PHAF1: variants seen among roughly 807,000 people sequenced by gnomAD.
PHAF1 encodes phagosome assembly factor 1.
Under a neutral mutation model 63.1 loss-of-function variants are expected in PHAF1, and 23 were observed. The ratio of observed to expected loss-of-function variants is 0.36; its 90% confidence interval spans 0.26 to 0.52. PHAF1 has a LOEUF of 0.52. Among genes scored for constraint, PHAF1 ranks in the 20% least tolerant of loss-of-function variants. The pLI, the probability that PHAF1 is intolerant of heterozygous loss-of-function variation, is 0.93. For missense variants in PHAF1, 427 were observed against 517.2 expected (o/e 0.83, Z 1.69); for synonymous variants, 167 against 185.0 (o/e 0.90, Z 0.79).
At chr16:67,111,134 A>G (rs1459779079) in intron 1 of PHAF1, among the ~76,000 whole-genome samples, 1 of 152,186 alleles carries the variant, frequency 6.6e-6, no homozygotes, top group Non-Finnish European at 1.5e-5. Context: ...CTCTTTTGAA[A>G]TATAGTCTGT....
intron 2 of PHAF1, among the ~76,000 whole-genome samples, chr16:67,121,053 G>C (rs1962947711): frequency 1.3e-5 from 2 of 152,124 alleles, no homozygotes; most frequent in Non-Finnish European, 2.9e-5. Flanking sequence ...CTCATTTGAG[G>C]GATCTGATAG....
chr16:67,120,480 T>TCA (rs1200066050), intron 2 of PHAF1, among the ~76,000 whole-genome samples: 1 of 151,942 alleles, frequency 6.6e-6, no homozygotes, highest in Non-Finnish European at 1.5e-5. Context: ...GTAGGTCGCT[T>TCA]CAGAGGCTGT....
At chr16:67,139,907 T>C in intron 8 of PHAF1, 77 bp from the exon 9 acceptor site, 1 of 1,533,016 alleles carries the variant, frequency 6.5e-7, no homozygotes, top group Non-Finnish European at 9.0e-7. Flanking sequence ...ATGCAGCCAG[T>C]AGCTTCTCTG....
At chr16:67,112,801 T>G (rs1347762699) in intron 1 of PHAF1, among the ~76,000 whole-genome samples, 1 of 152,220 alleles carries the variant, frequency 6.6e-6, no homozygotes, top group Admixed American at 6.5e-5. Flanking sequence ...GCCCAGAGGC[T>G]TCATGATTCC....
In PHAF1 at chr16:67,134,156, CTTTG is replaced by C. The variant is rs1963523347; in HGVS notation, c.451-7_451-4del. 2 of 1,610,292 alleles carry C rather than the reference CTTTG, an allele frequency of 1.2e-6. No individual in the cohort carries two copies. Among genetic ancestry groups the C allele is most frequent in the East Asian group, 4.5e-5 (2 of 44,858 alleles). ...TTGTGCCCTAAGTAAAACTCTTGACCTTTGTTTGCAGCCCAATTTTGCCCATGGC... is the reference window on the plus strand; with the variant it reads ...TTGTGCCCTAAGTAAAACTCTTGACCTTTGCAGCCCAATTTTGCCCATGGC... On this transcript the variant is annotated splice_polypyrimidine_tract_variant and splice_region_variant and intron_variant, in intron 6 of 15. Transcript: ENST00000219139.
In PHAF1 at chr16:67,146,268, T is replaced by G. The variant is rs7184692; in HGVS notation, c.1110-10T>G. The G allele has an allele frequency of 2.5e-6, 4 of 1,612,074 alleles. No homozygotes were observed. The Admixed American group carries it at 6.7e-5, about 27-fold the overall frequency. ...GTCTGCCTCTCTAATTCTGAATTCTTTGGCCTCAGGTCTTCCTCCCCAAAC... is the reference window on the plus strand; with the variant it reads ...GTCTGCCTCTCTAATTCTGAATTCTGTGGCCTCAGGTCTTCCTCCCCAAAC... On this transcript the variant is annotated splice_polypyrimidine_tract_variant and intron_variant, in intron 14 of 15. Coordinates refer to ENST00000219139, the MANE Select transcript of PHAF1 (RefSeq NM_025187.5).
intron 15 of PHAF1, among the ~76,000 whole-genome samples, chr16:67,146,551 G>A (rs1419927500): frequency 6.6e-6 from 1 of 152,210 alleles, no homozygotes; most frequent in Non-Finnish European, 1.5e-5. Flanking sequence ...AGAAATCTGG[G>A]GTCACAGAGG....
At chr16:67,144,177 T>G in intron 10 of PHAF1, 117 bp from the exon 11 acceptor site, 1 of 692,816 alleles carries the variant, frequency 1.4e-6, no homozygotes. Flanking sequence ...AGGTGATGCC[T>G]GCAGGCATTC....
chr16:67,129,859 C>T (rs1266015715), intron 3 of PHAF1, among the ~76,000 whole-genome samples: 1 of 152,166 alleles, frequency 6.6e-6, no homozygotes, highest in Non-Finnish European at 1.5e-5. Flanking sequence ...AGGCTGAACC[C>T]ATTAAAGAGC....
rs1555542819 is a variant in PHAF1 at position 67,109,952 on chromosome 16, C to CGCCGCCGTCGTT, written c.-220_-209dup. 1.9e-6 allele frequency: 1 copy of CGCCGCCGTCGTT among 523,306 alleles called. No individual in the cohort carries two copies. Among genetic ancestry groups the CGCCGCCGTCGTT allele is most frequent in the Admixed American group, 3.8e-5 (1 of 26,460 alleles). The allele number at this position is 523,306 out of a possible 1,614,324, so 32.4% of individuals were successfully genotyped here. On this transcript the variant is annotated 5_prime_UTR_variant, in exon 1 of 16. Transcript: ENST00000219139. Reference sequence around the variant, plus strand: ...ACGCCACTTTTACTGCAGTCGCGCCCGCCGCCGTCGTTGCCCCCGCTGCCG... The same window carrying CGCCGCCGTCGTT: ...ACGCCACTTTTACTGCAGTCGCGCCCGCCGCCGTCGTTGCCGCCGTCGTTGCCCCCGCTGCCG...
intron 2 of PHAF1, among the ~76,000 whole-genome samples, chr16:67,125,604 T>C (rs1319908519): frequency 6.6e-6 from 1 of 152,214 alleles, no homozygotes; most frequent in Non-Finnish European, 1.5e-5. Context: ...AACTGCTCTG[T>C]AGGTTCGATG....
chr16:67,123,690 C>T lies in PHAF1; in HGVS notation c.148-2269C>T, dbSNP rs1050447684. ...CCCAAAGTGCTGGCATGAACCACCG[C>T]ACCCAGCCAATGTGATGCTTCTTAA... is the stretch of plus-strand genomic sequence containing the variant. On this transcript the variant is annotated intron_variant, in intron 2 of 15. Coordinates refer to ENST00000219139, the MANE Select transcript of PHAF1 (RefSeq NM_025187.5). 5.9e-5 allele frequency among the ~76,000 whole-genome samples: 9 copies of T among 152,210 alleles called. 1 individual carries two copies. The highest frequency in any genetic ancestry group is 2.2e-4 in the African/African-American group (9 of 41,450).
chr16:67,132,820 A>G lies in PHAF1; in HGVS notation c.359A>G (p.Tyr120Cys), dbSNP rs1240768129. ...TCTTCTCCCCCACCCCCAACAGTGT[A>G]CAACTCCGCTGAGCAGCTCTTCCAT... ...QSFGATHPGV[Y>C]NSAEQLFHLN... The change falls in exon 6 of 16, where the codon TAC becomes TGC. Residue 120 changes from tyrosine (Y) to cysteine (C), a missense_variant. Coordinates refer to ENST00000219139, the MANE Select transcript of PHAF1 (RefSeq NM_025187.5). 6.2e-7 allele frequency: 1 copy of G among 1,610,928 alleles called. No individual in the cohort carries two copies.
chr16:67,134,429 C>G lies in PHAF1; in HGVS notation c.623C>G (p.Thr208Ser). The change falls in exon 8 of 16, where the codon ACT becomes AGT. Residue 208 changes from threonine to serine, a missense_variant. Thr to Ser is a moderately conservative substitution (Grantham distance 58). Transcript: ENST00000219139. ...AGTGTAGATGTTCTTCGAGATGGAA[C>G]TGGACCTGCAGGTTTACGACTTCGC... ...AESVDVLRDG[T>S]GPAGLRLRLL... 1 of 1,613,862 alleles carries G rather than the reference C, an allele frequency of 6.2e-7. No homozygotes were observed. Among genetic ancestry groups the G allele is most frequent in the Non-Finnish European group, 8.5e-7 (1 of 1,179,886 alleles).
In PHAF1 at chr16:67,147,467, G is replaced by C. The variant is rs2030203702; in HGVS notation, c.*336G>C. The C allele has an allele frequency of 1.0e-5, 3 of 291,872 alleles. No homozygotes were observed. In the South Asian group the frequency reaches 2.5e-4, roughly 24 times the overall value. The allele number at this position is 291,872 out of a possible 1,614,324, so 18.1% of individuals were successfully genotyped here. ...CCCATGCACATTGGGAAGACTTGGG[G>C]CTCTTTCTGTGACTGAGGACACAGG... On this transcript the variant is annotated 3_prime_UTR_variant, in exon 16 of 16. Transcript: ENST00000219139.
At chr16:67,143,655 C>G (rs889554513) in intron 10 of PHAF1, among the ~76,000 whole-genome samples, 1 of 152,138 alleles carries the variant, frequency 6.6e-6, no homozygotes, top group East Asian at 1.9e-4. Context: ...TCTAGGAGTT[C>G]GGGATACAGC....
chr16:67,143,985 C>T (rs1199583246), intron 10 of PHAF1, among the ~76,000 whole-genome samples: 1 of 151,830 alleles, frequency 6.6e-6, no homozygotes, highest in Non-Finnish European at 1.5e-5. Flanking sequence ...GCCTGTAATC[C>T]CAGCTACTCG....
chr16:67,111,725 A>G (rs2145808434), intron 1 of PHAF1, among the ~76,000 whole-genome samples: 1 of 152,264 alleles, frequency 6.6e-6, no homozygotes, highest in South Asian at 2.1e-4. Context: ...GGTTCAAGCA[A>G]TTCTCTTGCC....
At chr16:67,110,290 C>T (rs1567634249) in intron 1 of PHAF1, 51 bp downstream of exon 1, 3 of 1,539,388 alleles carry the variant, frequency 1.9e-6, no homozygotes, top group Admixed American at 3.9e-5. Flanking sequence ...CTTGCTTTCT[C>T]CTGGGCTCTT....
Sources: gnomAD v4.1 joint callset for allele counts (sites outside exome capture counted in the v4.1 genomes callset) on GRCh38, gnomAD v4.1.1 for gene constraint, MANE v1.5 for transcripts, NCBI Gene and HGNC (gene_info 2026-07-23, HGNC 2026-07-21) for gene names.